The following PLEKHG1 variants were observed in gnomAD, a reference collection of about 807,000 sequenced individuals.
PLEKHG1 encodes the protein pleckstrin homology domain-containing family G member 1.
In PLEKHG1, 44 loss-of-function variants were observed where a neutral mutation model predicts 100.8. The observed-to-expected ratio is 0.44, with a 90% CI of 0.34 to 0.56. The LOEUF is 0.56. Among genes scored for constraint, PLEKHG1 ranks in the 20% least tolerant of loss-of-function variants. PLEKHG1 has a pLI of 0.01. For missense variants in PLEKHG1, 1,545 were observed against 1,720.9 expected (o/e 0.90, Z 1.81); for synonymous variants, 640 against 662.5 (o/e 0.97, Z 0.52).
At chr6:150,658,830 T>C (rs773879712) in intron 3 of PLEKHG1, among the ~76,000 whole-genome samples, 1 of 152,206 alleles carries the variant, frequency 6.6e-6, no homozygotes, top group Non-Finnish European at 1.5e-5. Context: ...TCATCTCTGC[T>C]TTTTCATTTC....
chr6:150,684,557 T>C (rs1192393675), intron 3 of PLEKHG1, among the ~76,000 whole-genome samples: 2 of 152,154 alleles, frequency 1.3e-5, no homozygotes, highest in African/African-American at 4.8e-5. Flanking sequence ...TTGCTGTGCT[T>C]CCGAAATGGT....
chr6:150,770,873 T>A (rs1784685356), intron 3 of PLEKHG1, among the ~76,000 whole-genome samples: 1 of 152,224 alleles, frequency 6.6e-6, no homozygotes, highest in African/African-American at 2.4e-5. Context: ...GTGGTTTGGC[T>A]GTGAGTTGAT....
intron 1 of PLEKHG1, among the ~76,000 whole-genome samples, chr6:150,626,640 C>T (rs1200161689): frequency 2.0e-5 from 3 of 152,204 alleles, no homozygotes; most frequent in Non-Finnish European, 4.4e-5. Context: ...TCATTCATGA[C>T]ACCACCCAAG....
At chr6:150,789,174 C>G (rs1270258472) in intron 4 of PLEKHG1, among the ~76,000 whole-genome samples, 1 of 152,142 alleles carries the variant, frequency 6.6e-6, no homozygotes, top group Non-Finnish European at 1.5e-5. Flanking sequence ...TTGGTCAGCA[C>G]TGATTATATC....
At chr6:150,719,079 C>T (rs1781553736), upstream of PLEKHG1, among the ~76,000 whole-genome samples, 1 of 152,134 alleles carries the variant, frequency 6.6e-6, no homozygotes, top group Non-Finnish European at 1.5e-5. Flanking sequence ...AAAGCAGAAA[C>T]CGCGGATGAA....
At chr6:150,740,817 GATA>G (rs1782816637) in intron 2 of PLEKHG1, among the ~76,000 whole-genome samples, 1 of 152,124 alleles carries the variant, frequency 6.6e-6, no homozygotes, top group South Asian at 2.1e-4. Flanking sequence ...TAATATCTAT[GATA>G]ATTTGGAGAC....
At chr6:150,629,523 C>A (rs1364132413) in intron 1 of PLEKHG1, among the ~76,000 whole-genome samples, 1 of 151,944 alleles carries the variant, frequency 6.6e-6, no homozygotes, top group Non-Finnish European at 1.5e-5. Flanking sequence ...TGCAGTGGCG[C>A]AATCTCGGCT....
chr6:150,648,708 C>G (rs529670815), intron 2 of PLEKHG1, among the ~76,000 whole-genome samples: 1 of 152,198 alleles, frequency 6.6e-6, no homozygotes, highest in East Asian at 1.9e-4. Context: ...CCTCATTTTC[C>G]CTCTATCTTG....
chr6:150,759,632 T>G (rs907528575), intron 2 of PLEKHG1, among the ~76,000 whole-genome samples: 2 of 152,060 alleles, frequency 1.3e-5, no homozygotes, highest in Non-Finnish European at 2.9e-5. Flanking sequence ...ACCCGTCTCC[T>G]AGGGTTGCGG....
chr6:150,652,075 T>C (rs1778768287), intron 3 of PLEKHG1: 1 of 152,200 alleles, frequency 6.6e-6, no homozygotes, highest in African/African-American at 2.4e-5. Context: ...TTTAAATCCT[T>C]TTCATTGGCT....
At chr6:150,766,134 A>C (rs1205203372) in intron 2 of PLEKHG1, among the ~76,000 whole-genome samples, 3 of 152,208 alleles carry the variant, frequency 2.0e-5, no homozygotes, top group African/African-American at 7.2e-5. Flanking sequence ...ACATCATTCA[A>C]ATGGTGAAAA....
At position 150,747,496 on chromosome 6, in the gene PLEKHG1, T is replaced by C. The variant is rs1350729441; in HGVS notation, c.411+13404T>C. On this transcript the variant is annotated intron_variant, in intron 2 of 15. Transcript: ENST00000358517. ...CTGATTTTTCCTCTTCCCACTAAGA[T>C]TGTTTTGCCACTTAAAGGGAATGGC... Among the ~76,000 whole-genome samples the C allele has an allele frequency of 3.3e-5, 5 of 152,222 alleles. No individual in the cohort carries two copies. The East Asian group carries it at 9.6e-4, about 29-fold the overall frequency.
intron 4 of PLEKHG1, among the ~76,000 whole-genome samples, chr6:150,790,837 C>T (rs999949310): frequency 1.2e-4 from 18 of 151,966 alleles, no homozygotes; most frequent in African/African-American, 2.4e-4. Context: ...GCTTGACCAA[C>T]GTGATGAAAC....
At chr6:150,799,092 T>C (rs972617181) in intron 5 of PLEKHG1, among the ~76,000 whole-genome samples, 1 of 151,976 alleles carries the variant, frequency 6.6e-6, no homozygotes, top group Non-Finnish European at 1.5e-5. Flanking sequence ...TGAAGAAAAG[T>C]GTTAGCAGAG....
At chr6:150,677,396 C>T (rs1225696229) in intron 3 of PLEKHG1, among the ~76,000 whole-genome samples, 1 of 152,130 alleles carries the variant, frequency 6.6e-6, no homozygotes, top group Non-Finnish European at 1.5e-5. Context: ...ATGGCACTCC[C>T]TCTCCTTAAA....
chr6:150,612,401 C>T (rs1359954247), intron 1 of PLEKHG1, among the ~76,000 whole-genome samples: 2 of 152,142 alleles, frequency 1.3e-5, no homozygotes, highest in African/African-American at 2.4e-5. Context: ...GGCATGATCT[C>T]GGTTCCTTGT....
At chr6:150,839,735 T>G in intron 15 of PLEKHG1, 98 bp from the exon 17 acceptor site, 2 of 807,276 alleles carry the variant, frequency 2.5e-6, no homozygotes, top group Middle Eastern at 3.7e-4. Context: ...CTGTCAAAAT[T>G]TTAAAATACG....
At chr6:150,830,522 T>G in intron 14 of PLEKHG1, 60 bp from the exon 16 acceptor site, 15 of 1,252,344 alleles carry the variant, frequency 1.2e-5, no homozygotes, top group Non-Finnish European at 1.6e-5. Context: ...GAGAAATTCC[T>G]GAGTTATGTG....
intron 1 of PLEKHG1, among the ~76,000 whole-genome samples, chr6:150,616,322 GTAT>G (rs1219084530): frequency 6.6e-6 from 1 of 152,212 alleles, no homozygotes; most frequent in Non-Finnish European, 1.5e-5. Context: ...ATTGAGGATG[GTAT>G]TGTTGTAGAA....
Sources: gnomAD v4.1 joint callset for allele counts (sites outside exome capture counted in the v4.1 genomes callset) on GRCh38, gnomAD v4.1.1 for gene constraint, MANE v1.5 for transcripts, NCBI Gene and HGNC (gene_info 2026-07-23, HGNC 2026-07-21) for gene names.